Variants in GPHN observed in about 807,000 individuals in gnomAD.
GPHN encodes the protein gephyrin.
In GPHN, 17 loss-of-function variants were observed where a neutral mutation model predicts 95.5. The observed-to-expected ratio is 0.18, with a 90% CI of 0.12 to 0.27. The LOEUF is 0.27. Among genes scored for constraint, GPHN ranks in the 10% least tolerant of loss-of-function variants. GPHN has a pLI of 1.00. For synonymous variants in GPHN, 320 were observed against 322.5 expected, an observed-to-expected ratio of 0.99 and a Z score of 0.08; for missense variants, 660 against 978.1, an observed-to-expected ratio of 0.67 and a Z score of 4.34.
chr14:67,194,393 G>A, the GPHN span, among the ~76,000 whole-genome samples: 3 of 151,890 alleles, frequency 2.0e-5, no homozygotes, highest in Non-Finnish European at 4.4e-5. Flanking sequence ...CTAGTAAATA[G>A]TTAATGTACT....
chr14:67,729,544 G>T, the GPHN span: 1 of 711,678 alleles, frequency 1.4e-6, no homozygotes, highest in Non-Finnish European at 2.5e-6. Flanking sequence ...GAAACTTACA[G>T]TACAAACTTA....
chr14:67,365,487 A>G, the GPHN span, among the ~76,000 whole-genome samples: 7 of 152,212 alleles, frequency 4.6e-5, no homozygotes, highest in African/African-American at 1.4e-4. Flanking sequence ...CACACCTGAA[A>G]TCCAACATTG....
At chr14:67,725,207 T>G in the GPHN span, 1 of 1,614,080 alleles carries the variant, frequency 6.2e-7, no homozygotes, top group African/African-American at 1.3e-5. Flanking sequence ...AAATTGGACC[T>G]ATCCGACACC....
chr14:67,303,062 G>A, the GPHN span, among the ~76,000 whole-genome samples: 1 of 152,180 alleles, frequency 6.6e-6, no homozygotes, highest in African/African-American at 2.4e-5. Context: ...TTAAAATTCA[G>A]TTCCTTATTC....
intron 3 of GPHN, among the ~76,000 whole-genome samples, chr14:66,786,123 A>G (rs1365120592): frequency 6.6e-6 from 1 of 152,162 alleles, no homozygotes; most frequent in Non-Finnish European, 1.5e-5. Flanking sequence ...ATAAAGCTCA[A>G]AGAAATTGGT....
chr14:67,002,263 T>C (rs1276504709), intron 9 of GPHN, among the ~76,000 whole-genome samples: 3 of 151,042 alleles, frequency 2.0e-5, no homozygotes, highest in Admixed American at 6.6e-5. Flanking sequence ...TCATTTGTTA[T>C]TTAAAGACGC....
At chr14:67,404,823 A>T in the GPHN span, among the ~76,000 whole-genome samples, 643 of 152,250 alleles carry the variant, frequency 4.2e-3, 20 homozygotes, top group East Asian at 0.06. Flanking sequence ...AAAAATATAT[A>T]TAGTACATAA....
chr14:67,392,185 G>C, the GPHN span: 1 of 659,190 alleles, frequency 1.5e-6, no homozygotes, highest in South Asian at 1.7e-5. Flanking sequence ...CTGGAGGCTG[G>C]TGCTGGGCTC....
At chr14:66,528,209 AT>A (rs2058768960) in intron 1 of GPHN, among the ~76,000 whole-genome samples, 1 of 152,138 alleles carries the variant, frequency 6.6e-6, no homozygotes, top group Admixed American at 6.5e-5. Context: ...TCCCTTTACC[AT>A]TATGTAATGT....
the GPHN span, among the ~76,000 whole-genome samples, chr14:67,644,070 T>C: frequency 1.3e-5 from 2 of 152,256 alleles, no homozygotes; most frequent in Admixed American, 6.5e-5. Flanking sequence ...ATCAATGTGA[T>C]TACCACAGAT....
the GPHN span, among the ~76,000 whole-genome samples, chr14:67,345,283 G>A: frequency 6.6e-5 from 10 of 151,606 alleles, no homozygotes; most frequent in Non-Finnish European, 1.2e-4. Flanking sequence ...GGGGCCAGGT[G>A]CAGTGGCTCA....
the GPHN span, among the ~76,000 whole-genome samples, chr14:67,627,042 T>C: frequency 6.6e-6 from 1 of 152,070 alleles, no homozygotes; most frequent in Non-Finnish European, 1.5e-5. Flanking sequence ...GAAAGGAGAT[T>C]AGTGGTTCCC....
intron 10 of GPHN, 147 bp downstream of exon 10, chr14:67,023,822 G>A (rs2153626838): frequency 1.4e-6 from 1 of 714,646 alleles, no homozygotes; most frequent in South Asian, 1.6e-5. Context: ...TAAAAATATT[G>A]CCAGTATCAA....
At chr14:66,601,707 A>G (rs1042943926) in intron 1 of GPHN, among the ~76,000 whole-genome samples, 2 of 151,538 alleles carry the variant, frequency 1.3e-5, no homozygotes, top group East Asian at 1.9e-4. Context: ...CATTTGTGCA[A>G]TAGGACTGCA....
At chr14:67,015,548 T>C (rs567505864) in intron 9 of GPHN, among the ~76,000 whole-genome samples, 1 of 151,954 alleles carries the variant, frequency 6.6e-6, no homozygotes, top group Admixed American at 6.6e-5. Context: ...AATACAAAAA[T>C]TAGCCAGGTG....
intron 3 of GPHN, among the ~76,000 whole-genome samples, chr14:66,812,395 T>C (rs1482284636): frequency 6.6e-6 from 1 of 152,224 alleles, no homozygotes; most frequent in Non-Finnish European, 1.5e-5. Context: ...CTGAAATTAT[T>C]TCACAAAGAA....
At chr14:67,144,255 A>G (rs2080729768) in intron 18 of GPHN, among the ~76,000 whole-genome samples, 1 of 72,204 alleles carries the variant, frequency 1.4e-5, no homozygotes, top group Non-Finnish European at 2.6e-5. Flanking sequence ...AAAAAAATAT[A>G]TATATATATA....
intron 21 of GPHN, among the ~76,000 whole-genome samples, chr14:67,169,865 T>C (rs1422782692): frequency 2.0e-5 from 3 of 152,178 alleles, no homozygotes; most frequent in Non-Finnish European, 4.4e-5. Context: ...TCACCTGAGG[T>C]CAGGAGTTCA....
the GPHN span, among the ~76,000 whole-genome samples, chr14:67,609,139 A>G: frequency 6.6e-6 from 1 of 151,934 alleles, no homozygotes; most frequent in African/African-American, 2.4e-5. Context: ...GTAATTTTGT[A>G]TAAACTCTGT....
Sources: gnomAD v4.1 joint callset for allele counts (sites outside exome capture counted in the v4.1 genomes callset) on GRCh38, gnomAD v4.1.1 for gene constraint, MANE v1.5 for transcripts, NCBI Gene and HGNC (gene_info 2026-07-23, HGNC 2026-07-21) for gene names.